ICA1: variants seen among roughly 807,000 people sequenced by gnomAD.
ICA1 encodes the protein 69 kDa islet cell autoantigen.
A neutral mutation model predicts 71.0 loss-of-function variants in ICA1; 40 were observed. The observed-to-expected ratio is 0.56, with a 90% CI of 0.44 to 0.73. The LOEUF (loss-of-function observed/expected upper bound fraction) is 0.73. Ranked by LOEUF, ICA1 falls within the 30% of genes least tolerant of loss-of-function variation. The pLI is 0.00. For missense variants in ICA1, 578 were observed against 576.5 expected (o/e 1.00, Z -0.03); for synonymous variants, 207 against 209.5 (o/e 0.99, Z 0.10).
At chr7:8,199,143 C>T (rs1788684097) in intron 6 of ICA1, among the ~76,000 whole-genome samples, 1 of 152,204 alleles carries the variant, frequency 6.6e-6, no homozygotes, top group African/African-American at 2.4e-5. Flanking sequence ...TAAATCAGTA[C>T]AACCATTGTG....
At chr7:8,179,993 A>T (rs898257935) in intron 6 of ICA1, among the ~76,000 whole-genome samples, 1 of 151,486 alleles carries the variant, frequency 6.6e-6, no homozygotes, top group Non-Finnish European at 1.5e-5. Context: ...CTCTTCTCAA[A>T]CTCCTTATTA....
intron 13 of ICA1, among the ~76,000 whole-genome samples, chr7:8,120,029 C>G (rs1305472479): frequency 6.6e-6 from 1 of 152,094 alleles, no homozygotes; most frequent in Non-Finnish European, 1.5e-5. Flanking sequence ...CAATGAACAC[C>G]TAGAACCCAT....
intron 1 of ICA1, among the ~76,000 whole-genome samples, chr7:8,243,405 T>C (rs141888939): frequency 0.035 from 5,368 of 152,172 alleles, 174 homozygotes; most frequent in African/African-American, 0.083. Context: ...TAGGTATTGA[T>C]GGAACGTATC....
Position 8,139,065 on chromosome 7 carries a change from C to T in ICA1, c.956-18G>A, listed in dbSNP as rs767732353. 1.9e-6 allele frequency: 3 copies of T among 1,599,630 alleles called. No homozygotes were observed. The highest frequency in any genetic ancestry group is 1.7e-4 in the Middle Eastern group (1 of 6,038). On this transcript the variant is annotated intron_variant, in intron 10 of 13. Transcript: ENST00000402384. ...ATCTTCAGCTGTAATATAACATGTGCAACTGGTTACCAACAACTCGAAATG... is the reference window on the plus strand; with the variant it reads ...ATCTTCAGCTGTAATATAACATGTGTAACTGGTTACCAACAACTCGAAATG...
At chr7:8,129,533 T>A (rs533106078) in intron 12 of ICA1, among the ~76,000 whole-genome samples, 185 of 152,268 alleles carry the variant, frequency 1.2e-3, no homozygotes, top group African/African-American at 4.4e-3. Flanking sequence ...CCCTGTGGTT[T>A]AAAAATAGTG....
chr7:8,125,988 G>A (rs1399546100), intron 13 of ICA1, among the ~76,000 whole-genome samples: 4 of 152,246 alleles, frequency 2.6e-5, no homozygotes, highest in Non-Finnish European at 5.9e-5. Flanking sequence ...CCTTGTCACA[G>A]CTCTCAGGCA....
At chr7:8,139,108 C>T in intron 10 of ICA1, 61 bp from the exon 11 acceptor site, 1 of 1,308,698 alleles carries the variant, frequency 7.6e-7, no homozygotes, top group Non-Finnish European at 1.1e-6. Context: ...TGTTCATACG[C>T]TATTGCAGTG....
chr7:8,255,773 C>CTCTTTTT (rs1809909532), intron 1 of ICA1, among the ~76,000 whole-genome samples: 2 of 119,394 alleles, frequency 1.7e-5, no homozygotes, highest in Admixed American at 7.9e-5. Flanking sequence ...AACCTCACTT[C>CTCTTTTT]TTTCTCTTTT....
At position 8,175,181 on chromosome 7, in the gene ICA1, T is replaced by C. The variant is rs566166460; in HGVS notation, c.580-16529A>G. Among the ~76,000 whole-genome samples, 7 of 152,200 alleles carry C rather than the reference T, an allele frequency of 4.6e-5. No individual in the cohort carries two copies. The East Asian group carries it at 1.2e-3, about 25-fold the overall frequency. ...GGGCTGGCCAAGCTGATGCTTAACC[T>C]TGCTCAAGGAGGGAGCAGGGTAGAG... On this transcript the variant is annotated intron_variant, in intron 6 of 13. Transcript: ENST00000402384.
At chr7:8,185,503 G>A (rs893299507) in intron 6 of ICA1, among the ~76,000 whole-genome samples, 10 of 152,222 alleles carry the variant, frequency 6.6e-5, no homozygotes, top group African/African-American at 1.9e-4. Context: ...TGATAGAAAT[G>A]TAATTCTTGG....
At chr7:8,121,071 G>C (rs1005441012) in intron 13 of ICA1, among the ~76,000 whole-genome samples, 9 of 152,212 alleles carry the variant, frequency 5.9e-5, no homozygotes, top group African/African-American at 2.2e-4. Flanking sequence ...GGGTTGTCTG[G>C]ATAAAATGGG....
chr7:8,126,240 G>A lies in ICA1; in HGVS notation c.1330+1633C>T, dbSNP rs369561733. On this transcript the variant is annotated intron_variant, in intron 13 of 13. Transcript: ENST00000402384. ...GTGGGGTTCGTTCTGCAACACTGCTGGGGAGTCCTCAGCAGCCCTAAGATA... is the reference window on the plus strand; with the variant it reads ...GTGGGGTTCGTTCTGCAACACTGCTAGGGAGTCCTCAGCAGCCCTAAGATA... Among the ~76,000 whole-genome samples, 26 of 152,294 alleles carry A rather than the reference G, an allele frequency of 1.7e-4. 1 individual carries two copies. In the East Asian group the frequency reaches 4.8e-3, roughly 28 times the overall value.
intron 6 of ICA1, among the ~76,000 whole-genome samples, chr7:8,205,417 C>T (rs147638187): frequency 0.018 from 2,783 of 152,292 alleles, 57 homozygotes; most frequent in Middle Eastern, 0.041. Flanking sequence ...GAGCCACATC[C>T]TCTGTGTTCC....
intron 1 of ICA1, among the ~76,000 whole-genome samples, chr7:8,247,748 T>G (rs2128511589): frequency 6.6e-6 from 1 of 152,348 alleles, no homozygotes; most frequent in Non-Finnish European, 1.5e-5. Context: ...TGAACGCTTG[T>G]TCTGACCTAG....
chr7:8,254,215 G>A (rs1324841472), intron 1 of ICA1, among the ~76,000 whole-genome samples: 1 of 152,126 alleles, frequency 6.6e-6, no homozygotes, highest in East Asian at 1.9e-4. Context: ...ACACCAATAT[G>A]TGGTTTATAA....
intron 6 of ICA1, among the ~76,000 whole-genome samples, chr7:8,216,275 C>T (rs1795365247): frequency 6.6e-6 from 1 of 152,102 alleles, no homozygotes; most frequent in African/African-American, 2.4e-5. Flanking sequence ...AGATCCCCAA[C>T]ATGGTTTCTG....
intron 1 of ICA1, among the ~76,000 whole-genome samples, chr7:8,237,923 T>C (rs1401467464): frequency 6.6e-6 from 1 of 152,096 alleles, no homozygotes; most frequent in Non-Finnish European, 1.5e-5. Flanking sequence ...TTGGGAATAA[T>C]GCTGCAATAA....
intron 6 of ICA1, among the ~76,000 whole-genome samples, chr7:8,197,985 C>A (rs905997563): frequency 2.6e-5 from 4 of 152,118 alleles, no homozygotes; most frequent in Non-Finnish European, 2.9e-5. Context: ...GAAGAGTATT[C>A]CCTATATTTT....
chr7:8,255,941 T>G (rs1809995932), intron 1 of ICA1, among the ~76,000 whole-genome samples: 1 of 152,048 alleles, frequency 6.6e-6, no homozygotes, highest in African/African-American at 2.4e-5. Flanking sequence ...ACCCAGCTAA[T>G]TTTTTAAATT....
Sources: gnomAD v4.1 joint callset for allele counts (sites outside exome capture counted in the v4.1 genomes callset) on GRCh38, gnomAD v4.1.1 for gene constraint, MANE v1.5 for transcripts, NCBI Gene and HGNC (gene_info 2026-07-23, HGNC 2026-07-21) for gene names.